The following NCEH1 variants were observed in gnomAD, a reference collection of about 807,000 sequenced individuals.
NCEH1 encodes the protein 2-acetyl MAGE hydrolase.
In NCEH1, 9 loss-of-function variants were observed where a neutral mutation model predicts 25.4. That is an observed-to-expected ratio of 0.35 (90% CI 0.21 to 0.62). The LOEUF is 0.62. NCEH1 is among the 20% of genes least tolerant of loss of function. The pLI, the probability that NCEH1 is intolerant of heterozygous loss-of-function variation, is 0.72. For missense variants in NCEH1, 412 were observed against 501.1 expected, an observed-to-expected ratio of 0.82 and a Z score of 1.70; for synonymous variants, 200 against 199.8, an observed-to-expected ratio of 1.00 and a Z score of -0.01.
chr3:172,633,908 G>A lies in NCEH1; in HGVS notation c.794C>T (p.Ala265Val). 1 of 1,614,130 alleles carries A rather than the reference G, an allele frequency of 6.2e-7. No individual in the cohort carries two copies. Among genetic ancestry groups the A allele is most frequent in the Non-Finnish European group, 8.5e-7 (1 of 1,179,974 alleles). Residue 265 changes from alanine to valine, a missense_variant, in exon 5 of 5, where the codon GCA becomes GTA. Coordinates refer to ENST00000475381, the MANE Select transcript of NCEH1 (RefSeq NM_020792.6). The stretch of plus-strand genomic sequence containing the variant: ...TGAAGTGTGATTGTTAACGATCATT[G>A]CCTGCACAAAGTCATAGTTGCCTTT... The part of the protein sequence containing the change: ...YFKGNYDFVQ[A>V]MIVNNHTSLD...
rs1716455165 is a variant in NCEH1, at chr3:172,633,440, A to C, written c.*35T>G. ...CTTTCCAAAGCAGGTGTAGGAGGTC[A>C]AGAGGGGCTCGAGGCTTCTGGAAGT... On this transcript the variant is annotated 3_prime_UTR_variant, in exon 5 of 5. Transcript: ENST00000475381. 1 of 1,589,204 alleles carries C rather than the reference A, an allele frequency of 6.3e-7. No homozygotes were observed. Among genetic ancestry groups the C allele is most frequent in the African/African-American group, 1.3e-5 (1 of 74,422 alleles).
chr3:172,664,825 C>G (rs1449982161), intron 1 of NCEH1, among the ~76,000 whole-genome samples: 1 of 152,080 alleles, frequency 6.6e-6, no homozygotes, highest in Non-Finnish European at 1.5e-5. Flanking sequence ...TTTAAGGTCT[C>G]CTCTATGCTG....
chr3:172,645,469 T>G (rs1211508713), intron 3 of NCEH1, among the ~76,000 whole-genome samples, 154 bp downstream of exon 3: 1 of 152,230 alleles, frequency 6.6e-6, no homozygotes, highest in African/African-American at 2.4e-5. Flanking sequence ...CAGAAATCAT[T>G]TTTCTGATTA....
At chr3:172,692,524 ATTTTT>A (rs34654558) in intron 1 of NCEH1, among the ~76,000 whole-genome samples, 4 of 148,302 alleles carry the variant, frequency 2.7e-5, no homozygotes, top group African/African-American at 5.0e-5. Context: ...CACCTGGCTA[ATTTTT>A]TTTTTTTAAT....
rs1248264819 is a variant in NCEH1 at position 172,645,793 on chromosome 3, T to C, written c.368-101A>G. On this transcript the variant is annotated intron_variant, in intron 2 of 4. Transcript: ENST00000475381. ...GAATTGTTTTTAGGCTTGGAGCTAA[T>C]ACTAAAAACAAATAATAAAAAGCAA... The C allele has an allele frequency of 3.2e-5, 20 of 617,044 alleles. 1 individual carries two copies. Among genetic ancestry groups the C allele is most frequent in the Middle Eastern group, 2.7e-4 (1 of 3,638 alleles). 38.2% of individuals were successfully genotyped at this position (617,044 alleles called of 1,614,324 possible).
chr3:172,700,176 C>T (rs1222636220), intron 1 of NCEH1, among the ~76,000 whole-genome samples: 1 of 152,156 alleles, frequency 6.6e-6, no homozygotes, highest in African/African-American at 2.4e-5. Flanking sequence ...GAATAATTGG[C>T]ATCAGAGTTG....
At chr3:172,643,099 A>G (rs762857201) in intron 3 of NCEH1, among the ~76,000 whole-genome samples, 2 of 151,880 alleles carry the variant, frequency 1.3e-5, no homozygotes, top group Non-Finnish European at 2.9e-5. Flanking sequence ...CCACCATGCC[A>G]GGCTAATTTT....
intron 1 of NCEH1, among the ~76,000 whole-genome samples, chr3:172,687,442 G>C (rs1386425959): frequency 6.6e-6 from 1 of 152,138 alleles, no homozygotes; most frequent in Non-Finnish European, 1.5e-5. Flanking sequence ...CTGAATCTCT[G>C]AAGCACAGGA....
intron 1 of NCEH1, among the ~76,000 whole-genome samples, chr3:172,705,325 G>C (rs1713912996): frequency 6.6e-6 from 1 of 152,146 alleles, no homozygotes; most frequent in Non-Finnish European, 1.5e-5. Flanking sequence ...CTGTATGGCA[G>C]ACACACCTAA....
rs140090074 is a variant in NCEH1, at chr3:172,694,159, A to T, written c.138+16688T>A. Among the ~76,000 whole-genome samples, 532 of 152,290 alleles carry T rather than the reference A, an allele frequency of 3.5e-3. 3 individuals are homozygous for T. The highest frequency in any genetic ancestry group is 0.011 in the African/African-American group (468 of 41,544). Reference sequence around the variant, plus strand: ...ACTTCCTGCCTCATCCTCCCCAAGCATGAGCCACAATGCCAGGCCTGTATT... The same window carrying T: ...ACTTCCTGCCTCATCCTCCCCAAGCTTGAGCCACAATGCCAGGCCTGTATT... On this transcript the variant is annotated intron_variant, in intron 1 of 4. Coordinates refer to ENST00000475381, the MANE Select transcript of NCEH1 (RefSeq NM_020792.6).
intron 1 of NCEH1, among the ~76,000 whole-genome samples, chr3:172,657,336 C>T (rs1717742025): frequency 2.0e-5 from 3 of 152,152 alleles, no homozygotes; most frequent in Admixed American, 6.5e-5. Context: ...ATATGGCCTA[C>T]TCTCCCTTCT....
At chr3:172,659,009 A>T (rs1301200557) in intron 1 of NCEH1, among the ~76,000 whole-genome samples, 2 of 151,918 alleles carry the variant, frequency 1.3e-5, no homozygotes, top group African/African-American at 4.8e-5. Context: ...CACTGTTCTC[A>T]TTGTCAAGGA....
chr3:172,663,246 T>C (rs913307832), intron 1 of NCEH1, among the ~76,000 whole-genome samples: 2 of 152,242 alleles, frequency 1.3e-5, no homozygotes, highest in Non-Finnish European at 2.9e-5. Context: ...AGCAGGTTGT[T>C]CAGTTTCCAT....
At position 172,633,968 on chromosome 3, in the gene NCEH1, C is replaced by T. The variant is rs1261848161; in HGVS notation, c.734G>A (p.Arg245His). ...QQNVNTPILP[R>H]YVMVKYWVDY... is the part of the protein sequence containing the mutation. ...CACCCAATACTTCACCATGACATAGCGGGGCAGGATTGGGGTGTTCACATT... is the reference window on the plus strand; with the variant it reads ...CACCCAATACTTCACCATGACATAGTGGGGCAGGATTGGGGTGTTCACATT... The change falls in exon 5 of 5, where the codon CGC becomes CAC. Residue 245 changes from arginine (R) to histidine (H), a missense_variant. Arg to His is a conservative substitution (Grantham distance 29). Around this residue, in one of 3 missense-constraint regions of NCEH1, gnomAD observed 210 missense variants for 258.2 expected, o/e 0.81. Transcript: ENST00000475381. 1 of 1,614,138 alleles carries T rather than the reference C, an allele frequency of 6.2e-7. No homozygotes were observed. Among genetic ancestry groups the T allele is most frequent in the Non-Finnish European group, 8.5e-7 (1 of 1,180,010 alleles).
At chr3:172,655,927 A>C (rs971946525) in intron 1 of NCEH1, among the ~76,000 whole-genome samples, 3 of 152,214 alleles carry the variant, frequency 2.0e-5, no homozygotes, top group Non-Finnish European at 4.4e-5. Context: ...AGAGGGAGTG[A>C]GAAAAAGAGA....
intron 1 of NCEH1, among the ~76,000 whole-genome samples, chr3:172,664,877 T>G (rs1391222453): frequency 1.3e-5 from 2 of 152,186 alleles, no homozygotes; most frequent in African/African-American, 4.8e-5. Context: ...TTTCTAGGTT[T>G]TTAGCTTCTT....
At chr3:172,674,630 G>A (rs774270147) in intron 1 of NCEH1, among the ~76,000 whole-genome samples, 7 of 151,946 alleles carry the variant, frequency 4.6e-5, no homozygotes, top group Admixed American at 1.3e-4. Flanking sequence ...TTGTAACTTT[G>A]TAAATCCCCA....
At chr3:172,684,751 C>A (rs188538977) in intron 1 of NCEH1, among the ~76,000 whole-genome samples, 1 of 152,124 alleles carries the variant, frequency 6.6e-6, no homozygotes, top group Non-Finnish European at 1.5e-5. Context: ...GAGGCAGAGG[C>A]GGGCGGATCA....
intron 1 of NCEH1, among the ~76,000 whole-genome samples, chr3:172,689,336 G>A (rs1039288294): frequency 3.2e-4 from 41 of 129,612 alleles, no homozygotes; most frequent in African/African-American, 4.8e-4. Context: ...TCAGCTCACC[G>A]CAACCTCCGC....
Sources: allele counts gnomAD v4.1 joint callset (sites outside exome capture counted in the v4.1 genomes callset), GRCh38; gene constraint gnomAD v4.1.1; regional missense constraint gnomAD v4.1.1; transcripts MANE v1.5; gene names NCBI Gene and HGNC (gene_info 2026-07-23, HGNC 2026-07-21).